ADGB: variants seen among roughly 807,000 people sequenced by gnomAD.
ADGB encodes the protein androglobin, also known as calpain-7-like protein.
Under a neutral mutation model 210.5 loss-of-function variants are expected in ADGB, and 172 were observed. The observed-to-expected ratio is 0.82, with a 90% CI of 0.72 to 0.93. The LOEUF (loss-of-function observed/expected upper bound fraction) is 0.93. Among genes scored for constraint, ADGB ranks in the 40% least tolerant of loss-of-function variants. The pLI is 0.00. For missense variants in ADGB, 2,025 were observed against 1,964.8 expected (o/e 1.03, Z -0.58); for synonymous variants, 658 against 662.7 (o/e 0.99, Z 0.11).
At chr6:146,668,803 C>T (rs2114899010) in intron 7 of ADGB, among the ~76,000 whole-genome samples, 1 of 152,156 alleles carries the variant, frequency 6.6e-6, no homozygotes, top group African/African-American at 2.4e-5. Context: ...AAAATCAAAA[C>T]AGAGTATCTT....
chr6:146,764,240 G>A, intron 28 of ADGB, 140 bp downstream of exon 28: 1 of 677,518 alleles, frequency 1.5e-6, no homozygotes, highest in Non-Finnish European at 2.3e-6. Flanking sequence ...AGAGAGTCTT[G>A]AACAGTTTCT....
chr6:146,798,619 G>A (rs1259941595), intron 33 of ADGB, among the ~76,000 whole-genome samples: 1 of 148,332 alleles, frequency 6.7e-6, no homozygotes, highest in Non-Finnish European at 1.5e-5. Context: ...TAGAAACGAA[G>A]AAGTAAAACT....
chr6:146,716,796 A>T, intron 14 of ADGB, 87 bp from the exon 15 acceptor site: 1 of 1,269,844 alleles, frequency 7.9e-7, no homozygotes, highest in Non-Finnish European at 1.1e-6. Context: ...ATAGACTTTG[A>T]TATTTAAGTT....
chr6:146,668,089 G>A lies in ADGB; in HGVS notation c.839+1187G>A, dbSNP rs9497601. Reference sequence around the variant, plus strand: ...AGTGCTGACTTATAATTTCACGATCGTTTTATTTAATACATAAGGAATATA... The same window carrying A: ...AGTGCTGACTTATAATTTCACGATCATTTTATTTAATACATAAGGAATATA... On this transcript the variant is annotated intron_variant, in intron 7 of 35. Coordinates refer to ENST00000397944, the MANE Select transcript of ADGB (RefSeq NM_024694.4). Among the ~76,000 whole-genome samples, 618 of 152,140 alleles carry A rather than the reference G, an allele frequency of 4.1e-3. 1 individual carries two copies. Among genetic ancestry groups the A allele is most frequent in the African/African-American group, 0.014 (597 of 41,532 alleles).
intron 29 of ADGB, among the ~76,000 whole-genome samples, chr6:146,781,021 T>C (rs1291679462): frequency 1.3e-5 from 2 of 151,540 alleles, no homozygotes; most frequent in African/African-American, 4.8e-5. Context: ...TGAAAGGAAG[T>C]AGAAGCAATA....
intron 27 of ADGB, among the ~76,000 whole-genome samples, chr6:146,760,965 T>A (rs1472996807): frequency 6.6e-6 from 1 of 151,978 alleles, no homozygotes; most frequent in Non-Finnish European, 1.5e-5. Context: ...ATTATTAACC[T>A]GTTCTTCATA....
At chr6:146,749,258 TG>T (rs1199361391) in intron 26 of ADGB, among the ~76,000 whole-genome samples, 1 of 152,156 alleles carries the variant, frequency 6.6e-6, no homozygotes, top group Non-Finnish European at 1.5e-5. Context: ...TTAAATGTGG[TG>T]GTCTAGTGAA....
At chr6:146,714,557 G>A (rs1776704346) in intron 13 of ADGB, among the ~76,000 whole-genome samples, 1 of 152,136 alleles carries the variant, frequency 6.6e-6, no homozygotes, top group South Asian at 2.1e-4. Context: ...TTCTCCACTT[G>A]AAGCAATTTC....
chr6:146,791,572 G>C (rs1777956738), intron 33 of ADGB, among the ~76,000 whole-genome samples: 1 of 151,970 alleles, frequency 6.6e-6, no homozygotes, highest in South Asian at 2.1e-4. Context: ...CAAATTTATG[G>C]GCTCAAGGAA....
intron 1 of ADGB, among the ~76,000 whole-genome samples, chr6:146,623,313 T>C (rs1378164424): frequency 6.6e-6 from 1 of 151,986 alleles, no homozygotes. Context: ...TCAACATATG[T>C]ATATGGTCTA....
intron 29 of ADGB, among the ~76,000 whole-genome samples, chr6:146,769,766 A>G (rs553958510): frequency 6.6e-6 from 1 of 152,216 alleles, no homozygotes; most frequent in South Asian, 2.1e-4. Context: ...TAATATATGC[A>G]TGTTATTTTT....
At chr6:146,712,976 G>T (rs1164786606) in intron 13 of ADGB, among the ~76,000 whole-genome samples, 2 of 151,924 alleles carry the variant, frequency 1.3e-5, no homozygotes, top group African/African-American at 4.8e-5. Flanking sequence ...GACTATTCTG[G>T]GTACTTCACA....
chr6:146,717,346 G>C (rs1776751011), intron 15 of ADGB, among the ~76,000 whole-genome samples, 190 bp from the exon 16 acceptor site: 1 of 152,022 alleles, frequency 6.6e-6, no homozygotes, highest in Non-Finnish European at 1.5e-5. Context: ...TTCCTCAAAG[G>C]CTTGTTTCTT....
At chr6:146,658,168 A>G (rs113649034) in intron 5 of ADGB, among the ~76,000 whole-genome samples, 1,781 of 152,282 alleles carry the variant, frequency 0.012, 30 homozygotes, top group African/African-American at 0.041. Context: ...GGGAAGGGCA[A>G]AGGGAAAAAG....
At chr6:146,662,982 TATAATATATATCTTAATCTTA>T (rs1347229881) in intron 5 of ADGB, among the ~76,000 whole-genome samples, 8 of 146,318 alleles carry the variant, frequency 5.5e-5, no homozygotes, top group African/African-American at 1.2e-4. Flanking sequence ...TTATAATGTA[TATAATATATATCTTAATCTTA>T]ATAATATATA....
chr6:146,728,942 A>T (rs1389245807), intron 20 of ADGB, among the ~76,000 whole-genome samples: 1 of 152,222 alleles, frequency 6.6e-6, no homozygotes, highest in African/African-American at 2.4e-5. Context: ...ATTAAAGGAC[A>T]TGACAACTAC....
At chr6:146,659,183 T>C (rs1280173683) in intron 5 of ADGB, among the ~76,000 whole-genome samples, 1 of 152,180 alleles carries the variant, frequency 6.6e-6, no homozygotes, top group Non-Finnish European at 1.5e-5. Flanking sequence ...TTGATTTTGA[T>C]TTTTTTCTCT....
At chr6:146,600,339 G>A in intron 1 of ADGB, 1 of 270,304 alleles carries the variant, frequency 3.7e-6, no homozygotes, top group Non-Finnish European at 7.9e-6. Context: ...CTAGGTCCAA[G>A]GCCGAGGACG....
chr6:146,801,702 C>T, intron 34 of ADGB, 126 bp from the exon 35 acceptor site: 1 of 737,480 alleles, frequency 1.4e-6, no homozygotes, highest in East Asian at 3.1e-5. Flanking sequence ...TTTTCTATCC[C>T]TAATGTTTTA....
Sources: allele counts gnomAD v4.1 joint callset (sites outside exome capture counted in the v4.1 genomes callset), GRCh38; gene constraint gnomAD v4.1.1; transcripts MANE v1.5; gene names NCBI Gene and HGNC (gene_info 2026-07-23, HGNC 2026-07-21).